WASHC2C: variants seen among roughly 807,000 people sequenced by gnomAD.
WASHC2C encodes the protein Vaccinia Penetration Factor.
In WASHC2C, 73 loss-of-function variants were observed where a neutral mutation model predicts 142.2. The observed-to-expected ratio is 0.51, with a 90% CI of 0.43 to 0.62. The LOEUF is 0.62. Ranked by LOEUF, WASHC2C falls within the 20% of genes least tolerant of loss-of-function variation. WASHC2C has a pLI of 0.00. For missense variants in WASHC2C, 969 were observed against 1,531.7 expected (o/e 0.63, Z 6.13); for synonymous variants, 337 against 565.5 (o/e 0.60, Z 5.73).
At chr10:45,758,756 C>T (rs1354287921) in intron 16 of WASHC2C, among the ~76,000 whole-genome samples, 29 of 149,378 alleles carry the variant, frequency 1.9e-4, no homozygotes, top group African/African-American at 6.6e-4. Context: ...TATATGCGTG[C>T]GCCACCATGC....
At chr10:45,784,287 T>TACACACACACAC in intron 23 of WASHC2C, among the ~76,000 whole-genome samples, 1 of 8,516 alleles carries the variant, frequency 1.2e-4, no homozygotes, top group Admixed American at 2.7e-3. Context: ...TATATATATA[T>TACACACACACAC]ATACACATAT....
At chr10:45,740,685 C>T (rs1225020637) in intron 5 of WASHC2C, among the ~76,000 whole-genome samples, 2 of 152,262 alleles carry the variant, frequency 1.3e-5, no homozygotes, top group East Asian at 1.9e-4. Flanking sequence ...AGGAAGACTG[C>T]AGAAGAACTG....
In WASHC2C at chr10:45,786,855, G is replaced by T. The variant is rs1200814185; in HGVS notation, c.2875-180G>T. 8 of 1,544,192 alleles carry T rather than the reference G, an allele frequency of 5.2e-6. No individual in the cohort carries two copies. In the Admixed American group the frequency reaches 1.5e-4, roughly 28 times the overall value. On this transcript the variant is annotated intron_variant, in intron 27 of 30. Transcript: ENST00000623400. ...TTAACATCTATTCTTTGAGCCCAGT[G>T]GTGGGCATAGGTGTAAGACGCTCTG...
intron 19 of WASHC2C, among the ~76,000 whole-genome samples, 163 bp from the exon 20 acceptor site, chr10:45,769,286 T>C (rs2135349206): frequency 6.6e-6 from 1 of 151,062 alleles, no homozygotes; most frequent in Middle Eastern, 3.4e-3. Context: ...CCCGGCTAAT[T>C]TTCTTGTATT....
At chr10:45,742,989 C>T (rs1355782766) in intron 5 of WASHC2C, among the ~76,000 whole-genome samples, 2 of 151,696 alleles carry the variant, frequency 1.3e-5, no homozygotes, top group African/African-American at 4.8e-5. Flanking sequence ...ATTCTCCTGC[C>T]TCAGCCTCCC....
rs548901008 is a variant in WASHC2C, at chr10:45,742,940, A to G, written c.529-450A>G. Among the ~76,000 whole-genome samples the G allele has an allele frequency of 8.8e-3, 1,316 of 148,946 alleles. 3 individuals carry two copies. The highest frequency in any genetic ancestry group is 0.031 in the African/African-American group (1,234 of 40,142). Reference sequence around the variant, plus strand: ...GCCCAGGCTAGAGTGCAGTAGTGCAATCTCAGCTCACTGCAACACTGTTTC... The same window carrying G: ...GCCCAGGCTAGAGTGCAGTAGTGCAGTCTCAGCTCACTGCAACACTGTTTC... On this transcript the variant is annotated intron_variant, in intron 5 of 30. Transcript: ENST00000623400.
chr10:45,754,113 A>G lies in WASHC2C; in HGVS notation c.1181-373A>G, dbSNP rs1589724067. 2.6e-5 allele frequency among the ~76,000 whole-genome samples: 4 copies of G among 151,632 alleles called. No individual in the cohort carries two copies. The East Asian group carries it at 5.8e-4, about 22-fold the overall frequency. ...TCACATGTTTTTGCGGTTCTTTTTC[A>G]CCCGTTCATTCTCATCCAACTGGAA... On this transcript the variant is annotated intron_variant, in intron 13 of 30. Transcript: ENST00000623400.
chr10:45,733,331 T>G (rs1319701287), intron 3 of WASHC2C, among the ~76,000 whole-genome samples: 3 of 152,260 alleles, frequency 2.0e-5, no homozygotes, highest in Non-Finnish European at 2.9e-5. Flanking sequence ...CCAGTGAATA[T>G]TTGAATGAAT....
chr10:45,755,609 A>G (rs1488590792), intron 15 of WASHC2C, among the ~76,000 whole-genome samples: 2,032 of 150,294 alleles, frequency 0.014, no homozygotes, highest in Non-Finnish European at 0.016. Flanking sequence ...TGTAAGTCCT[A>G]TGTCCTGAAG....
At chr10:45,759,940 C>T (rs1460757437) in intron 17 of WASHC2C, among the ~76,000 whole-genome samples, 32 of 150,102 alleles carry the variant, frequency 2.1e-4, no homozygotes, top group African/African-American at 7.3e-4. Flanking sequence ...TGAAAATCCT[C>T]TCTCTTTAGG....
chr10:45,754,158 T>C (rs2053952310), intron 13 of WASHC2C, among the ~76,000 whole-genome samples: 1 of 152,220 alleles, frequency 6.6e-6, no homozygotes, highest in Non-Finnish European at 1.5e-5. Flanking sequence ...GTGGAACTGT[T>C]TGGGGGAGCC....
chr10:45,754,324 G>A (rs1425071317), intron 13 of WASHC2C, among the ~76,000 whole-genome samples, 162 bp from the exon 14 acceptor site: 1 of 152,196 alleles, frequency 6.6e-6, no homozygotes, highest in African/African-American at 2.4e-5. Flanking sequence ...GACATCGGTA[G>A]AGAAGAAAAT....
rs536334311 is a variant in WASHC2C, at chr10:45,753,973, T to TG, written c.1181-512dup. ...GGCCTTGGAGGCCGCTCCTTGTGCCTGCTGTGCGGGCTGCTAGCCTGGCTC... is the reference window on the plus strand; with the variant it reads ...GGCCTTGGAGGCCGCTCCTTGTGCCTGGCTGTGCGGGCTGCTAGCCTGGCTC... On this transcript the variant is annotated intron_variant, in intron 13 of 30. Transcript: ENST00000623400. 2.6e-4 allele frequency among the ~76,000 whole-genome samples: 39 copies of TG among 151,808 alleles called. No homozygotes were observed. In the South Asian group the frequency reaches 3.5e-3, roughly 14 times the overall value.
Position 45,743,437 on chromosome 10 carries a change from G to A in WASHC2C, c.576G>A (p.Leu192=). The part of the protein sequence containing the change: ...RPLPYLIGSK[L]FMEQEDVGLG... ...TACCATATCTCATTGGGTCAAAGCT[G>A]TTCATGGAACAAGAAGATGTAGGTC... Residue 192 remains leucine (L), a synonymous_variant, in exon 6 of 31, where the codon CTG becomes CTA. Coordinates refer to ENST00000623400, the MANE Select transcript of WASHC2C (RefSeq NM_001330074.2). 5 of 1,611,908 alleles carry A rather than the reference G, an allele frequency of 3.1e-6. No individual in the cohort carries two copies. The highest frequency in any genetic ancestry group is 4.2e-6 in the Non-Finnish European group (5 of 1,179,838).
chr10:45,738,159 T>A (rs1422370367), intron 4 of WASHC2C, 114 bp downstream of exon 4: 33 of 1,600,996 alleles, frequency 2.1e-5, no homozygotes, highest in Non-Finnish European at 2.7e-5. Flanking sequence ...AGGGAGGGAC[T>A]GCTCCTGACA....
chr10:45,736,183 G>A (rs567477316), intron 3 of WASHC2C, among the ~76,000 whole-genome samples: 93 of 151,038 alleles, frequency 6.2e-4, no homozygotes, highest in Admixed American at 1.7e-3. Context: ...CGAGGTGGGC[G>A]AATCATGAGG....
chr10:45,769,979 G>A (rs1269622907), intron 20 of WASHC2C, among the ~76,000 whole-genome samples: 18 of 152,032 alleles, frequency 1.2e-4, no homozygotes, highest in Admixed American at 3.9e-4. Flanking sequence ...GTTGGCTCAC[G>A]CCTGTAATCC....
At position 45,777,334 on chromosome 10, in the gene WASHC2C, C is replaced by T. The variant is rs1554886731; in HGVS notation, c.2204C>T (p.Ala735Val). 7.5e-6 allele frequency: 12 copies of T among 1,606,504 alleles called. No individual in the cohort carries two copies. The highest frequency in any genetic ancestry group is 1.0e-5 in the Non-Finnish European group (12 of 1,175,902). The part of the protein sequence containing the change: ...LLFSDEEEKE[A>V]QLGVKSVDKK... The stretch of plus-strand genomic sequence containing the variant: ...TTCAGCGATGAAGAAGAGAAGGAGG[C>T]ACAACTTGGAGTGAAGTCTGTGGAT... Residue 735 changes from alanine (A) to valine (V), a missense_variant, in exon 22 of 31, where the codon GCA (alanine) becomes GTA (valine). Physicochemically the swap from Ala to Val is moderately conservative, Grantham distance 64. Coordinates refer to ENST00000623400, the MANE Select transcript of WASHC2C (RefSeq NM_001330074.2).
chr10:45,735,148 A>G (rs1365135974), intron 3 of WASHC2C, among the ~76,000 whole-genome samples: 42 of 151,584 alleles, frequency 2.8e-4, no homozygotes, highest in South Asian at 6.3e-4. Context: ...AGTCCCCATA[A>G]TCTGTTTTTA....
Sources: gnomAD v4.1 joint callset for allele counts (sites outside exome capture counted in the v4.1 genomes callset) on GRCh38, gnomAD v4.1.1 for gene constraint, MANE v1.5 for transcripts, NCBI Gene and HGNC (gene_info 2026-07-23, HGNC 2026-07-21) for gene names.